UCHL3: variants seen among roughly 807,000 people sequenced by gnomAD.
UCHL3 encodes the protein ubiquitin carboxyl-terminal hydrolase isozyme L3.
In UCHL3, 22 loss-of-function variants were observed where a neutral mutation model predicts 35.8. The ratio of observed to expected loss-of-function variants is 0.61; its 90% CI spans 0.44 to 0.88. UCHL3 has a LOEUF of 0.88. Among genes scored for constraint, UCHL3 ranks in the 40% least tolerant of loss-of-function variants. The pLI is 0.00. For synonymous variants in UCHL3, 90 were observed against 92.8 expected (o/e 0.97, Z 0.17); for missense variants, 229 against 276.9 (o/e 0.83, Z 1.23).
chr13:75,603,574 T>A (rs1388374751), intron 7 of UCHL3, among the ~76,000 whole-genome samples: 2 of 152,116 alleles, frequency 1.3e-5, no homozygotes, highest in African/African-American at 4.8e-5. Context: ...TGCCTTTATG[T>A]AAACATTAAA....
rs146762382 is a variant in UCHL3 at position 75,571,667 on chromosome 13, C to T, written c.474+2160C>T. 1.9e-3 allele frequency among the ~76,000 whole-genome samples: 294 copies of T among 152,246 alleles called. 4 individuals are homozygous for T. Among genetic ancestry groups the T allele is most frequent in the Non-Finnish European group, 3.4e-3 (230 of 68,022 alleles). On this transcript the variant is annotated intron_variant, in intron 6 of 8. Transcript: ENST00000377595. ...CCTGAAATGTACCTGAATCAGTTGG[C>T]TGCTAAAATTTTTCTAGGGGTTTCC...
intron 1 of UCHL3, 55 bp downstream of exon 1, chr13:75,549,917 T>C: frequency 6.2e-7 from 1 of 1,614,138 alleles, no homozygotes; most frequent in South Asian, 1.1e-5. Context: ...GGGAGCCGGC[T>C]TGCTGCCGCG....
chr13:75,569,737 A>C (rs1198319915), intron 6 of UCHL3, among the ~76,000 whole-genome samples: 1 of 152,246 alleles, frequency 6.6e-6, no homozygotes, highest in African/African-American at 2.4e-5. Context: ...AGTTCATCTA[A>C]TCATTTAGAG....
intron 6 of UCHL3, among the ~76,000 whole-genome samples, chr13:75,592,690 T>C (rs1181744252): frequency 6.6e-6 from 1 of 151,506 alleles, no homozygotes; most frequent in East Asian, 1.9e-4. Context: ...TTCTGAGGTT[T>C]TGTGGAAGGC....
chr13:75,554,406 A>G (rs1359085647), intron 2 of UCHL3, among the ~76,000 whole-genome samples: 1 of 152,232 alleles, frequency 6.6e-6, no homozygotes, highest in Non-Finnish European at 1.5e-5. Context: ...TGAACAAAGC[A>G]TGCTCTCCAT....
chr13:75,570,343 C>T (rs1593733691), intron 6 of UCHL3, among the ~76,000 whole-genome samples: 1 of 152,204 alleles, frequency 6.6e-6, no homozygotes, highest in Non-Finnish European at 1.5e-5. Flanking sequence ...TCACTCCATT[C>T]TCCTGCCTCA....
intron 6 of UCHL3, among the ~76,000 whole-genome samples, chr13:75,590,759 T>C (rs538499304): frequency 6.8e-4 from 103 of 152,284 alleles, no homozygotes; most frequent in African/African-American, 2.3e-3. Flanking sequence ...ATTTTCTCCT[T>C]GTGTATTGAT....
At chr13:75,595,071 A>G (rs1593763265) in intron 7 of UCHL3, 81 bp downstream of exon 7, 1 of 1,071,198 alleles carries the variant, frequency 9.3e-7, no homozygotes, top group East Asian at 2.8e-5. Flanking sequence ...GACTATTGAT[A>G]TTTATTGTGT....
chr13:75,562,716 C>T (rs945159710), intron 3 of UCHL3, among the ~76,000 whole-genome samples: 3 of 152,000 alleles, frequency 2.0e-5, no homozygotes, highest in Admixed American at 2.0e-4. Context: ...GCATATTATC[C>T]TTATCAATAG....
At chr13:75,576,171 A>G (rs2032016300) in intron 6 of UCHL3, among the ~76,000 whole-genome samples, 1 of 152,200 alleles carries the variant, frequency 6.6e-6, no homozygotes, top group South Asian at 2.1e-4. Context: ...AGATTGTGTG[A>G]GAAATAGTAA....
chr13:75,550,278 C>T (rs548707578), intron 2 of UCHL3, among the ~76,000 whole-genome samples: 118 of 152,274 alleles, frequency 7.7e-4, no homozygotes, highest in Non-Finnish European at 1.4e-3. Context: ...TCCTATTCCC[C>T]TTCCTTCTTC....
At chr13:75,569,322 T>C (rs1451900223) in intron 5 of UCHL3, 138 bp from the exon 6 acceptor site, 2 of 582,244 alleles carry the variant, frequency 3.4e-6, no homozygotes, top group Non-Finnish European at 5.9e-6. Context: ...AAATATCTAG[T>C]ACTAAGCTTT....
intron 2 of UCHL3, among the ~76,000 whole-genome samples, chr13:75,551,821 A>G (rs892098171): frequency 6.6e-6 from 1 of 152,252 alleles, no homozygotes; most frequent in Admixed American, 6.5e-5. Context: ...TATCAAACAC[A>G]TTAATATTTT....
At chr13:75,573,010 A>G (rs1273102912) in intron 6 of UCHL3, among the ~76,000 whole-genome samples, 1 of 152,192 alleles carries the variant, frequency 6.6e-6, no homozygotes, top group African/African-American at 2.4e-5. Context: ...CACGCCTGTA[A>G]TCCCAGCACT....
intron 6 of UCHL3, among the ~76,000 whole-genome samples, chr13:75,591,247 A>G (rs1056916398): frequency 6.6e-6 from 1 of 152,172 alleles, no homozygotes; most frequent in Non-Finnish European, 1.5e-5. Context: ...AAATATCAGT[A>G]TGGTCATCAA....
In UCHL3 at chr13:75,605,832, C is replaced by A. The variant is rs1355616099; in HGVS notation, c.*20C>A. On this transcript the variant is annotated 3_prime_UTR_variant, in exon 9 of 9. Transcript: ENST00000377595. ...GCATAGCTTGTCAATAATGGAAACA[C>A]CAAAAACTGTATTATTTGCAACTAA... 2 of 1,609,370 alleles carry A rather than the reference C, an allele frequency of 1.2e-6. No homozygotes were observed. The highest frequency in any genetic ancestry group is 1.7e-6 in the Non-Finnish European group (2 of 1,177,784).
Position 75,566,690 on chromosome 13 carries a change from A to G in UCHL3, c.184-5A>G. ...AATACACTGTTGACTTTTTTTTTTT[A>G]ATAGTATGAAGTATTCAGAACAGAA... On this transcript the variant is annotated splice_region_variant and splice_polypyrimidine_tract_variant and intron_variant, in intron 3 of 8. Transcript: ENST00000377595. 6.9e-7 allele frequency: 1 copy of G among 1,438,940 alleles called. No individual in the cohort carries two copies. The highest frequency in any genetic ancestry group is 9.2e-7 in the Non-Finnish European group (1 of 1,086,224). 89.1% of individuals were successfully genotyped at this position (1,438,940 alleles called of 1,614,324 possible).
At chr13:75,582,189 G>A (rs1295394483) in intron 6 of UCHL3, among the ~76,000 whole-genome samples, 1 of 150,628 alleles carries the variant, frequency 6.6e-6, no homozygotes, top group Admixed American at 6.6e-5. Flanking sequence ...GTGTGTGTAA[G>A]TGAATGTGTG....
chr13:75,573,991 G>C (rs1026438413), intron 6 of UCHL3, among the ~76,000 whole-genome samples: 1 of 152,178 alleles, frequency 6.6e-6, no homozygotes, highest in Admixed American at 6.5e-5. Context: ...GCCGAGGCGG[G>C]CAGATCACAA....
Sources: allele counts gnomAD v4.1 joint callset (sites outside exome capture counted in the v4.1 genomes callset), GRCh38; gene constraint gnomAD v4.1.1; transcripts MANE v1.5; gene names NCBI Gene and HGNC (gene_info 2026-07-23, HGNC 2026-07-21).